Variants in RBFOX3 observed in about 807,000 individuals in gnomAD.
The protein encoded by RBFOX3 is RNA binding protein fox-1 homolog 3.
Under a neutral mutation model 48.7 loss-of-function variants are expected in RBFOX3, and 17 were observed. The ratio of observed to expected loss-of-function variants is 0.35; its 90% CI spans 0.24 to 0.52. The LOEUF (loss-of-function observed/expected upper bound fraction) is 0.52, where lower values mean the gene tolerates loss of function less well. Ranked by LOEUF, RBFOX3 falls within the 20% of genes least tolerant of loss-of-function variation. The probability of loss-of-function intolerance (pLI) is 0.94; values close to 1 mark genes in which losing one functional copy is unlikely to be tolerated. For synonymous variants in RBFOX3, 212 were observed against 209.5 expected, an observed-to-expected ratio of 1.01 and a Z score of -0.10; for missense variants, 382 against 497.5, an observed-to-expected ratio of 0.77 and a Z score of 2.21.
rs1267397067 is a variant in RBFOX3, at chr17:79,479,598, C to A, written c.-175+2856G>T. On this transcript the variant is annotated intron_variant, in intron 2 of 14. Coordinates refer to ENST00000693108, the MANE Select transcript of RBFOX3 (RefSeq NM_001350451.2). The surrounding 1 kb of genome is among the most constrained non-coding windows in gnomAD (Gnocchi z 5.1). ...TGGACAGTGAACACACCGAGGGAAG[C>A]AGCTCAGGTCCAAAAGAGCTTGTGG... Among the ~76,000 whole-genome samples, 1 of 152,244 alleles carries A rather than the reference C, an allele frequency of 6.6e-6. No homozygotes were observed. Among genetic ancestry groups the A allele is most frequent in the Non-Finnish European group, 1.5e-5 (1 of 68,040 alleles).
chr17:79,271,076 GAT>G (rs1567952794), intron 3 of RBFOX3, among the ~76,000 whole-genome samples: 5 of 90,082 alleles, frequency 5.6e-5, no homozygotes, highest in Non-Finnish European at 5.1e-5. Context: ...AAATTCATAA[GAT>G]TTTTTTTTTT....
intron 3 of RBFOX3, among the ~76,000 whole-genome samples, chr17:79,248,066 C>A (rs530213006): frequency 6.6e-6 from 1 of 152,224 alleles, no homozygotes; most frequent in Non-Finnish European, 1.5e-5. Flanking sequence ...CAGTGAGCTC[C>A]GGTGGGGAGA....
intron 2 of RBFOX3, among the ~76,000 whole-genome samples, chr17:79,468,282 T>C (rs1377558235): frequency 6.6e-6 from 1 of 151,916 alleles, no homozygotes; most frequent in Non-Finnish European, 1.5e-5. Context: ...GATACCTGCA[T>C]AGATGGATAA....
chr17:79,139,769 A>G lies in RBFOX3; in HGVS notation c.-33-24021T>C, dbSNP rs577553977. Among the ~76,000 whole-genome samples the G allele has an allele frequency of 3.2e-4, 48 of 152,342 alleles. No homozygotes were observed. The East Asian group carries it at 8.5e-3, about 27-fold the overall frequency. On this transcript the variant is annotated intron_variant, in intron 4 of 14. Coordinates refer to ENST00000693108, the MANE Select transcript of RBFOX3 (RefSeq NM_001350451.2). ...GCCCTTCTGCCGCTAGGGATCAGCCAGGAGTGGCTGTGCCCAGGGCAGGAT... is the reference window on the plus strand; with the variant it reads ...GCCCTTCTGCCGCTAGGGATCAGCCGGGAGTGGCTGTGCCCAGGGCAGGAT...
intron 2 of RBFOX3, among the ~76,000 whole-genome samples, chr17:79,316,410 C>T (rs886638296): frequency 1.3e-5 from 2 of 152,202 alleles, no homozygotes; most frequent in African/African-American, 4.8e-5. Context: ...TCAGGGCCCA[C>T]CTGAGTTGTG....
intron 2 of RBFOX3, among the ~76,000 whole-genome samples, chr17:79,389,129 C>T (rs1329059280): frequency 1.3e-5 from 2 of 152,192 alleles, no homozygotes; most frequent in Non-Finnish European, 2.9e-5. Flanking sequence ...CACCGCGTCA[C>T]AGGGGAGGAA....
intron 2 of RBFOX3, among the ~76,000 whole-genome samples, chr17:79,387,471 G>A (rs571158388): frequency 9.3e-4 from 141 of 152,352 alleles, no homozygotes; most frequent in African/African-American, 3.4e-3. Flanking sequence ...GGCAGGGCCT[G>A]ATCTAGGGAT....
intron 3 of RBFOX3, among the ~76,000 whole-genome samples, chr17:79,237,302 G>A (rs1208279502): frequency 2.0e-5 from 3 of 152,206 alleles, no homozygotes; most frequent in Non-Finnish European, 4.4e-5. Flanking sequence ...AGGTTACTGC[G>A]GTCGTTTAGT....
intron 3 of RBFOX3, among the ~76,000 whole-genome samples, chr17:79,256,958 AC>A (rs956581635): frequency 4.1e-5 from 6 of 146,600 alleles, no homozygotes; most frequent in African/African-American, 1.3e-4. Flanking sequence ...CAAAAAAAAA[AC>A]AAAAAAAAGA....
intron 5 of RBFOX3, among the ~76,000 whole-genome samples, chr17:79,113,215 C>T (rs766180277): frequency 1.2e-4 from 18 of 152,074 alleles, no homozygotes; most frequent in African/African-American, 1.9e-4. Flanking sequence ...CTGTGAGTGC[C>T]GGGCAGCCTC....
At chr17:79,144,489 G>A (rs1281919802) in intron 4 of RBFOX3, among the ~76,000 whole-genome samples, 2 of 152,166 alleles carry the variant, frequency 1.3e-5, no homozygotes, top group African/African-American at 4.8e-5. Context: ...GCAGGTCCAA[G>A]TCTAGATGTT....
chr17:79,380,527 G>C lies in RBFOX3; in HGVS notation c.-174-72703C>G, dbSNP rs562301434. Among the ~76,000 whole-genome samples, 3 of 152,266 alleles carry C rather than the reference G, an allele frequency of 2.0e-5. No homozygotes were observed. In the East Asian group the frequency reaches 5.8e-4, roughly 29 times the overall value. On this transcript the variant is annotated intron_variant, in intron 2 of 14. Transcript: ENST00000693108. ...CTGGGGTCTGCCCAGAGCCTCCTTGGCCTCTTGGAAGCCTTTCCTAGATGC... is the reference window on the plus strand; with the variant it reads ...CTGGGGTCTGCCCAGAGCCTCCTTGCCCTCTTGGAAGCCTTTCCTAGATGC...
At chr17:79,429,734 A>C (rs2068068426) in intron 2 of RBFOX3, among the ~76,000 whole-genome samples, 1 of 152,138 alleles carries the variant, frequency 6.6e-6, no homozygotes, top group African/African-American at 2.4e-5. Context: ...ATGGGAATCA[A>C]TGACTCGTCG....
chr17:79,605,100 C>T (rs4077762), intron 1 of RBFOX3, among the ~76,000 whole-genome samples: 18,164 of 152,146 alleles, frequency 0.12, 1,914 homozygotes, highest in East Asian at 0.32. Context: ...ACTCTGAATG[C>T]GCCCTTGGTT....
intron 2 of RBFOX3, among the ~76,000 whole-genome samples, chr17:79,402,614 G>A (rs2062960273): frequency 6.6e-6 from 1 of 152,204 alleles, no homozygotes; most frequent in Non-Finnish European, 1.5e-5. Flanking sequence ...AGGAAAGGGT[G>A]GGCCAGGGCC....
intron 4 of RBFOX3, among the ~76,000 whole-genome samples, chr17:79,118,893 C>T (rs1330531096): frequency 2.0e-5 from 3 of 150,526 alleles, no homozygotes; most frequent in Non-Finnish European, 4.4e-5. Context: ...AGGATCATCA[C>T]TTGAGCCTGG....
intron 3 of RBFOX3, among the ~76,000 whole-genome samples, chr17:79,291,716 G>C (rs1224386636): frequency 6.6e-6 from 1 of 152,238 alleles, no homozygotes; most frequent in Non-Finnish European, 1.5e-5. Flanking sequence ...AGGCAGCAGT[G>C]TGGAAGAGCC....
intron 4 of RBFOX3, among the ~76,000 whole-genome samples, chr17:79,226,176 T>C (rs1191060777): frequency 6.6e-6 from 1 of 151,986 alleles, no homozygotes; most frequent in Non-Finnish European, 1.5e-5. Context: ...GCTGGAGTAA[T>C]GAGAGTGGGC....
intron 4 of RBFOX3, among the ~76,000 whole-genome samples, chr17:79,138,092 C>T (rs1482228756): frequency 1.3e-5 from 2 of 152,298 alleles, no homozygotes; most frequent in African/African-American, 2.4e-5. Flanking sequence ...AAGGCACGCT[C>T]GTGGGCAGGT....
Sources: allele counts gnomAD v4.1 joint callset (sites outside exome capture counted in the v4.1 genomes callset), GRCh38; gene constraint gnomAD v4.1.1; non-coding constraint Gnocchi (gnomAD v3.1); transcripts MANE v1.5; gene names NCBI Gene and HGNC (gene_info 2026-07-23, HGNC 2026-07-21).